VOPP1: variants seen among roughly 807,000 people sequenced by gnomAD.
VOPP1 encodes the protein VOPP1 WW domain binding protein.
A neutral mutation model predicts 23.5 loss-of-function variants in VOPP1; 8 were observed. The observed-to-expected ratio is 0.34, with a 90% confidence interval of 0.20 to 0.61. VOPP1 has a LOEUF of 0.61. VOPP1 is among the 20% of genes least tolerant of loss of function. VOPP1 has a pLI of 0.78. For synonymous variants in VOPP1, 83 were observed against 97.3 expected (o/e 0.85, Z 0.86); for missense variants, 174 against 238.1 (o/e 0.73, Z 1.77).
chr7:55,497,901 A>T (rs1348322058), intron 2 of VOPP1, among the ~76,000 whole-genome samples: 8 of 152,270 alleles, frequency 5.3e-5, no homozygotes, highest in Non-Finnish European at 1.2e-4. Flanking sequence ...AGGTGGGCAC[A>T]GTCAGGGTGA....
At chr7:55,514,909 G>A (rs540804056) in intron 2 of VOPP1, among the ~76,000 whole-genome samples, 1 of 152,346 alleles carries the variant, frequency 6.6e-6, no homozygotes, top group East Asian at 1.9e-4. Flanking sequence ...AGCTGTCCTT[G>A]TAGTGAGCTG....
intron 4 of VOPP1, among the ~76,000 whole-genome samples, chr7:55,436,642 G>C (rs1340701080): frequency 7.2e-6 from 1 of 139,698 alleles, no homozygotes; most frequent in Non-Finnish European, 1.6e-5. Context: ...GTGTGTGTGC[G>C]TGCGTGGGTG....
chr7:55,514,795 C>G (rs1795298032), intron 2 of VOPP1, among the ~76,000 whole-genome samples: 1 of 152,182 alleles, frequency 6.6e-6, no homozygotes, highest in Non-Finnish European at 1.5e-5. Flanking sequence ...CATTCCCAGG[C>G]TGTGTATCTG....
chr7:55,557,462 CA>C (rs140308199), intron 1 of VOPP1, among the ~76,000 whole-genome samples: 28,172 of 137,454 alleles, frequency 0.2, 2,667 homozygotes, highest in Middle Eastern at 0.3. Context: ...TAAGATGTTT[CA>C]AAAAAAAAAA....
At chr7:55,526,219 G>A (rs1186669075) in intron 1 of VOPP1, among the ~76,000 whole-genome samples, 1 of 152,236 alleles carries the variant, frequency 6.6e-6, no homozygotes, top group Non-Finnish European at 1.5e-5. Context: ...CTCCCTTGAG[G>A]GGATCAACAG....
At chr7:55,469,405 C>A (rs1425099796), downstream of VOPP1, among the ~76,000 whole-genome samples, 1 of 152,132 alleles carries the variant, frequency 6.6e-6, no homozygotes, top group African/African-American at 2.4e-5. Flanking sequence ...CACCTGTACT[C>A]TGAGTTAGTT....
intron 2 of VOPP1, among the ~76,000 whole-genome samples, chr7:55,518,879 A>C (rs1250081115): frequency 6.6e-6 from 1 of 152,224 alleles, no homozygotes; most frequent in Non-Finnish European, 1.5e-5. Flanking sequence ...TGGACAGGAG[A>C]AGAGGCTGAA....
At chr7:55,501,178 TATG>T (rs1252763967) in intron 2 of VOPP1, among the ~76,000 whole-genome samples, 1 of 152,378 alleles carries the variant, frequency 6.6e-6, no homozygotes, top group East Asian at 1.9e-4. Context: ...ACCTGTATCA[TATG>T]ATGTCAGCAA....
At chr7:55,552,736 T>G in intron 1 of VOPP1, 2 of 1,534,790 alleles carry the variant, frequency 1.3e-6, no homozygotes, top group Non-Finnish European at 1.7e-6. Context: ...GGTCGCCAGG[T>G]TGCCGGCACA....
downstream of VOPP1, among the ~76,000 whole-genome samples, chr7:55,465,869 C>G (rs1374427256): frequency 6.6e-6 from 1 of 152,178 alleles, no homozygotes; most frequent in Non-Finnish European, 1.5e-5. Context: ...CTACTCTGTG[C>G]TCTCATTCTT....
At chr7:55,539,057 C>CGGGGG (rs1796985234) in intron 1 of VOPP1, among the ~76,000 whole-genome samples, 1 of 56,780 alleles carries the variant, frequency 1.8e-5, no homozygotes, top group African/African-American at 7.4e-5. Context: ...GGGGGAGGGG[C>CGGGGG]GGGGTGCCGG....
chr7:55,450,548 T>A (rs1791217662), intron 4 of VOPP1, among the ~76,000 whole-genome samples: 1 of 152,256 alleles, frequency 6.6e-6, no homozygotes, highest in Admixed American at 6.5e-5. Context: ...TACTTTTATA[T>A]CATTACATGT....
At chr7:55,518,475 C>T (rs1006478332) in intron 2 of VOPP1, among the ~76,000 whole-genome samples, 3 of 152,182 alleles carry the variant, frequency 2.0e-5, no homozygotes, top group South Asian at 2.1e-4. Context: ...CTGAAGCACT[C>T]GCCGCGTGGT....
rs542783241 is a variant in VOPP1, at chr7:55,446,142, G to A, written n.418-9968C>T. On this transcript the variant is annotated intron_variant and non_coding_transcript_variant, in intron 4 of 4. Transcript: ENST00000462326. ...CAAGTAGCTGGGACTACAGGTGCCCGCCACCACGCCCAGATAATTTTTTTG... is the reference window on the plus strand; with the variant it reads ...CAAGTAGCTGGGACTACAGGTGCCCACCACCACGCCCAGATAATTTTTTTG... 3.4e-3 allele frequency among the ~76,000 whole-genome samples: 520 copies of A among 152,138 alleles called. 3 individuals are homozygous for A. Among genetic ancestry groups the A allele is most frequent in the African/African-American group, 0.012 (505 of 41,516 alleles).
At chr7:55,435,584 G>A (rs896965918), downstream of VOPP1, among the ~76,000 whole-genome samples, 1 of 152,202 alleles carries the variant, frequency 6.6e-6, no homozygotes, top group South Asian at 2.1e-4. Flanking sequence ...ACGCAGCCCC[G>A]AGTGAGCCGG....
intron 3 of VOPP1, among the ~76,000 whole-genome samples, chr7:55,495,049 C>T (rs543154429): frequency 2.0e-5 from 3 of 152,008 alleles, no homozygotes; most frequent in South Asian, 2.1e-4. Context: ...TTCCTCCCCC[C>T]GACCCCCCAG....
chr7:55,449,760 G>A (rs1240477156), intron 4 of VOPP1, among the ~76,000 whole-genome samples: 2 of 152,198 alleles, frequency 1.3e-5, no homozygotes, highest in African/African-American at 4.8e-5. Flanking sequence ...GGGGACAGGA[G>A]CCCTCCACCC....
At chr7:55,436,900 C>T (rs1376810505) in intron 4 of VOPP1, among the ~76,000 whole-genome samples, 3 of 152,140 alleles carry the variant, frequency 2.0e-5, no homozygotes, top group Admixed American at 2.0e-4. Context: ...CTCCACCCTC[C>T]TCCTTACTGT....
intron 4 of VOPP1, among the ~76,000 whole-genome samples, chr7:55,446,480 T>G (rs1326204255): frequency 6.6e-6 from 1 of 152,192 alleles, no homozygotes; most frequent in African/African-American, 2.4e-5. Context: ...TCAGCCTGGA[T>G]GCTACATCCT....
Sources: gnomAD v4.1 joint callset for allele counts (sites outside exome capture counted in the v4.1 genomes callset) on GRCh38, gnomAD v4.1.1 for gene constraint, MANE v1.5 for transcripts, NCBI Gene and HGNC (gene_info 2026-07-23, HGNC 2026-07-21) for gene names.